The following NR1D2 variants were observed in gnomAD, a reference collection of about 807,000 sequenced individuals.
NR1D2 encodes V-erbA-related protein 1-related.
In NR1D2, 25 loss-of-function variants were observed where a neutral mutation model predicts 52.2. The observed-to-expected ratio is 0.48, with a 90% confidence interval of 0.35 to 0.67. The LOEUF (loss-of-function observed/expected upper bound fraction) is 0.67. Ranked by LOEUF, NR1D2 falls within the 30% of genes least tolerant of loss-of-function variation. The pLI is 0.01. For missense variants in NR1D2, 681 were observed against 707.2 expected (o/e 0.96, Z 0.42); for synonymous variants, 259 against 230.1 (o/e 1.13, Z -1.14).
At position 23,967,830 on chromosome 3, in the gene NR1D2, C is replaced by A. The variant is rs756845985; in HGVS notation, c.1350C>A (p.Phe450Leu). Residue 450 changes from phenylalanine (F) to leucine (L), a missense_variant, in exon 7 of 8, where the codon TTC becomes TTA. Physicochemically the swap from Phe to Leu is conservative, Grantham distance 22 (BLOSUM62 0). Coordinates refer to ENST00000312521, the MANE Select transcript of NR1D2 (RefSeq NM_005126.5). ...AGTFEVLMVR[F>L]ASLFDAKERT... ...TTTTCCAGGTTTTAATGGTACGGTT[C>A]GCATCATTATTTGATGCAAAGGAAC... The A allele has an allele frequency of 1.2e-6, 2 of 1,612,828 alleles. No homozygotes were observed. Among genetic ancestry groups the A allele is most frequent in the Non-Finnish European group, 1.7e-6 (2 of 1,179,244 alleles).
intron 2 of NR1D2, 120 bp from the exon 3 acceptor site, chr3:23,955,917 A>T (rs1469113068): frequency 9.6e-6 from 6 of 621,896 alleles, no homozygotes; most frequent in African/African-American, 7.3e-5. Context: ...TTACATTATG[A>T]AAGTAGATGT....
intron 1 of NR1D2, among the ~76,000 whole-genome samples, chr3:23,948,845 G>T (rs1705848948): frequency 6.6e-6 from 1 of 152,210 alleles, no homozygotes; most frequent in African/African-American, 2.4e-5. Flanking sequence ...TGGTGGTCCT[G>T]TCTTCTTGAG....
intron 7 of NR1D2, among the ~76,000 whole-genome samples, chr3:23,974,014 T>C (rs1209331788): frequency 6.6e-6 from 1 of 151,584 alleles, no homozygotes; most frequent in Non-Finnish European, 1.5e-5. Flanking sequence ...TATCACCTTC[T>C]ATATTTCTAT....
intron 1 of NR1D2, chr3:23,946,021 G>A (rs1435243130): frequency 3.8e-6 from 3 of 798,288 alleles, no homozygotes; most frequent in Non-Finnish European, 4.6e-6. Context: ...AGGGACACGT[G>A]GGGGCGGGGG....
chr3:23,962,957 A>G lies in NR1D2; in HGVS notation c.1146+352A>G, dbSNP rs999054899. ...ACCTTACTAGCTTTGGGATTTTCTC[A>G]AAGGGCCGAACTTTTCGCTTGCCAT... On this transcript the variant is annotated intron_variant, in intron 5 of 7. Transcript: ENST00000312521. Among the ~76,000 whole-genome samples the G allele has an allele frequency of 3.3e-5, 5 of 152,086 alleles. No homozygotes were observed. The East Asian group carries it at 9.7e-4, about 29-fold the overall frequency.
intron 6 of NR1D2, among the ~76,000 whole-genome samples, chr3:23,966,561 C>A (rs1379412276): frequency 6.6e-6 from 1 of 152,170 alleles, no homozygotes; most frequent in Non-Finnish European, 1.5e-5. Flanking sequence ...TCTTTAATGC[C>A]TTTGGCCAGG....
At chr3:23,968,385 T>C (rs187666368) in intron 7 of NR1D2, among the ~76,000 whole-genome samples, 32 of 152,340 alleles carry the variant, frequency 2.1e-4, no homozygotes, top group African/African-American at 7.0e-4. Flanking sequence ...TCAAATACAA[T>C]GTGGGTTACT....
Position 23,962,188 on chromosome 3 carries a change from T to C in NR1D2, c.729T>C (p.Pro243=), listed in dbSNP as rs775204510. ...AAGAAAACATCAAAAGCTCTTCTCC[T>C]CCATCTTCTGATTTTGCAAAGGAAG... ...LEQENIKSSS[P]PSSDFAKEEV... The change falls in exon 5 of 8, where the codon CCT becomes CCC. Residue 243 remains proline (P), a synonymous_variant. Coordinates refer to ENST00000312521, the MANE Select transcript of NR1D2 (RefSeq NM_005126.5). The C allele has an allele frequency of 6.2e-7, 1 of 1,614,170 alleles. No individual in the cohort carries two copies. Among genetic ancestry groups the C allele is most frequent in the Non-Finnish European group, 8.5e-7 (1 of 1,180,026 alleles).
chr3:23,969,436 A>G (rs75122679), intron 7 of NR1D2, among the ~76,000 whole-genome samples: 1,899 of 152,346 alleles, frequency 0.012, 36 homozygotes, highest in African/African-American at 0.043. Context: ...AAAAATGTGT[A>G]TATGACGTGG....
intron 4 of NR1D2, among the ~76,000 whole-genome samples, chr3:23,961,046 A>AT (rs1706226556): frequency 6.6e-6 from 1 of 152,216 alleles, no homozygotes; most frequent in African/African-American, 2.4e-5. Flanking sequence ...ACTGGTTTTA[A>AT]TTAAAATCTA....
intron 4 of NR1D2, among the ~76,000 whole-genome samples, chr3:23,961,490 G>A (rs1313205244): frequency 6.7e-6 from 1 of 148,710 alleles, no homozygotes; most frequent in Non-Finnish European, 1.5e-5. Flanking sequence ...CTGCCTCCTG[G>A]GTTCAAGCGA....
intron 7 of NR1D2, among the ~76,000 whole-genome samples, chr3:23,974,843 G>C (rs564291223): frequency 1.8e-3 from 267 of 146,334 alleles, no homozygotes; most frequent in African/African-American, 6.7e-3. Context: ...TTTTGAGACA[G>C]GCTCCCACTC....
chr3:23,956,154 A>G, intron 3 of NR1D2, 29 bp downstream of exon 3: 3 of 1,551,510 alleles, frequency 1.9e-6, no homozygotes, highest in South Asian at 1.1e-5. Context: ...TCTTTAAGCT[A>G]CTGATTCTGG....
intron 1 of NR1D2, among the ~76,000 whole-genome samples, chr3:23,947,315 G>C (rs1026898198): frequency 6.6e-6 from 1 of 152,260 alleles, no homozygotes; most frequent in South Asian, 2.1e-4. Context: ...TTGCCTCGTG[G>C]AGCAAGGCAC....
rs1706486927 is a variant in NR1D2 at position 23,967,701 on chromosome 3, A to G, written c.1333-112A>G. 3 of 789,902 alleles carry G rather than the reference A, an allele frequency of 3.8e-6. No individual in the cohort carries two copies. The African/African-American group carries it at 5.2e-5, about 14-fold the overall frequency. The allele number at this position is 789,902 out of a possible 1,614,324, so 48.9% of individuals were successfully genotyped here. A position where few individuals can be genotyped will look rare whatever the true frequency, so the allele number is the denominator to read the frequency against. ...TAAAAGTATACCCTGTTTTTCTTTT[A>G]TAACTTTCTTTTATATGTGGGATGA... On this transcript the variant is annotated intron_variant, in intron 6 of 7. Coordinates refer to ENST00000312521, the MANE Select transcript of NR1D2 (RefSeq NM_005126.5).
At chr3:23,968,233 C>T (rs773424070) in intron 7 of NR1D2, among the ~76,000 whole-genome samples, 5 of 152,210 alleles carry the variant, frequency 3.3e-5, no homozygotes, top group African/African-American at 4.8e-5. Flanking sequence ...GTAATACTTA[C>T]ATCTAGGCCT....
At chr3:23,945,894 C>T (rs1705672633) in intron 1 of NR1D2, among the ~76,000 whole-genome samples, 1 of 150,204 alleles carries the variant, frequency 6.7e-6, no homozygotes, top group Non-Finnish European at 1.5e-5. Flanking sequence ...GGCGCGCGGG[C>T]GCCGGTTGGC....
chr3:23,965,060 T>A lies in NR1D2; in HGVS notation c.1230T>A (p.Thr410=). The stretch of plus-strand genomic sequence containing the variant: ...GGGAAGAATTTTCGATGAGCTTCAC[T>A]CCAGCAGTGAAAGAAGTGGTGGAAT... ...EIWEEFSMSF[T]PAVKEVVEFA... is the part of the protein sequence containing the mutation. The change falls in exon 6 of 8, where the codon ACT becomes ACA. Residue 410 remains threonine (T), a synonymous_variant. Coordinates refer to ENST00000312521, the MANE Select transcript of NR1D2 (RefSeq NM_005126.5). 4 of 1,614,046 alleles carry A rather than the reference T, an allele frequency of 2.5e-6. No homozygotes were observed. The highest frequency in any genetic ancestry group is 3.4e-6 in the Non-Finnish European group (4 of 1,179,940).
chr3:23,954,138 C>T (rs979956588), intron 1 of NR1D2, among the ~76,000 whole-genome samples: 1 of 152,178 alleles, frequency 6.6e-6, no homozygotes, highest in Non-Finnish European at 1.5e-5. Flanking sequence ...ATAGCTGGCA[C>T]TACTAGAGGT....
Sources: allele counts gnomAD v4.1 joint callset (sites outside exome capture counted in the v4.1 genomes callset), GRCh38; gene constraint gnomAD v4.1.1; transcripts MANE v1.5; gene names NCBI Gene and HGNC (gene_info 2026-07-23, HGNC 2026-07-21).